KCNQ3: variants seen among roughly 807,000 people sequenced by gnomAD.
KCNQ3 encodes potassium voltage-gated channel subfamily KQT member 3.
Under a neutral mutation model 92.5 loss-of-function variants are expected in KCNQ3, and 30 were observed. That is an observed-to-expected ratio of 0.32 (90% confidence interval 0.24 to 0.44). KCNQ3 has a LOEUF of 0.44. KCNQ3 is among the 20% of genes least tolerant of loss of function. The probability of loss-of-function intolerance (pLI) is 1.00; values close to 1 mark genes in which losing one functional copy is unlikely to be tolerated. For synonymous variants in KCNQ3, 450 were observed against 468.8 expected, an observed-to-expected ratio of 0.96 and a Z score of 0.52; for missense variants, 913 against 1,140.3, an observed-to-expected ratio of 0.80 and a Z score of 2.87.
At chr8:132,140,319 T>C (rs1825246527) in intron 10 of KCNQ3, 141 bp from the exon 11 acceptor site, 1 of 627,766 alleles carries the variant, frequency 1.6e-6, no homozygotes, top group Non-Finnish European at 2.8e-6. Flanking sequence ...GACTCCACGG[T>C]ATTCTCAAGC....
intron 7 of KCNQ3, among the ~76,000 whole-genome samples, chr8:132,171,282 G>T (rs1265708393): frequency 6.6e-6 from 1 of 152,056 alleles, no homozygotes; most frequent in African/African-American, 2.4e-5. Flanking sequence ...CAATATGCGG[G>T]ATGACATCAT....
Position 132,296,332 on chromosome 8 carries a change from G to A in KCNQ3, c.387-110151C>T, listed in dbSNP as rs1476459242. On this transcript the variant is annotated intron_variant, in intron 1 of 14. Coordinates refer to ENST00000388996, the MANE Select transcript of KCNQ3 (RefSeq NM_004519.4). ...ATTTGCCCAGCATGACAAAAAGTGA[G>A]GGTAGCAAAGCCAGGATTTGAGCTT... Among the ~76,000 whole-genome samples, 23 of 152,078 alleles carry A rather than the reference G, an allele frequency of 1.5e-4. No individual in the cohort carries two copies. The East Asian group carries it at 4.4e-3, about 29-fold the overall frequency.
chr8:132,136,566 G>C (rs1323997112), intron 12 of KCNQ3, among the ~76,000 whole-genome samples: 1 of 152,184 alleles, frequency 6.6e-6, no homozygotes, highest in East Asian at 1.9e-4. Flanking sequence ...ATGGGAAAGT[G>C]TGTGCATGTC....
At chr8:132,224,877 G>A (rs180842212) in intron 1 of KCNQ3, among the ~76,000 whole-genome samples, 22 of 152,344 alleles carry the variant, frequency 1.4e-4, no homozygotes, top group African/African-American at 5.3e-4. Flanking sequence ...GAAAATGGGA[G>A]AGGGGGCAGG....
intron 1 of KCNQ3, among the ~76,000 whole-genome samples, chr8:132,215,422 T>A (rs1813996703): frequency 6.6e-6 from 1 of 152,176 alleles, no homozygotes; most frequent in South Asian, 2.1e-4. Flanking sequence ...GGCAGTGCCA[T>A]AATTCACAGT....
chr8:132,398,149 T>G (rs1820241280), intron 1 of KCNQ3, among the ~76,000 whole-genome samples: 2 of 152,066 alleles, frequency 1.3e-5, no homozygotes, highest in South Asian at 2.1e-4. Flanking sequence ...AACCTTTTGG[T>G]TTTTTTGTCA....
At chr8:132,223,221 T>C (rs62519655) in intron 1 of KCNQ3, among the ~76,000 whole-genome samples, 50,965 of 151,206 alleles carry the variant, frequency 0.34, 9,729 homozygotes, top group Middle Eastern at 0.46. Flanking sequence ...TAAGGGAGGG[T>C]GAGAGGGAGG....
At position 132,480,297 on chromosome 8, in the gene KCNQ3, C is replaced by T. The variant is rs778442808; in HGVS notation, c.236G>A (p.Arg79Gln). ...GAGCCCGATGCCCTGCGGGGTCCTC[C>T]GCTGCCCCTCGTCGCGGCCGCCGCC... ...LEGGGRDEGQ[R>Q]RTPQGIGLLA... Residue 79 changes from arginine (R) to glutamine (Q), a missense_variant, in exon 1 of 15, where the codon CGG becomes CAG. By Grantham distance (43) the Arg-to-Gln change is conservative. Coordinates refer to ENST00000388996, the MANE Select transcript of KCNQ3 (RefSeq NM_004519.4). 12 of 1,605,452 alleles carry T rather than the reference C, an allele frequency of 7.5e-6. No individual in the cohort carries two copies. In the African/African-American group the frequency reaches 1.6e-4, roughly 21 times the overall value.
intron 1 of KCNQ3, among the ~76,000 whole-genome samples, chr8:132,278,588 C>T (rs150078778): frequency 1.5e-4 from 23 of 152,276 alleles, no homozygotes; most frequent in Admixed American, 1.5e-3. Context: ...GGGGTGTTCC[C>T]GCCTAAGTTA....
intron 1 of KCNQ3, among the ~76,000 whole-genome samples, chr8:132,269,047 A>C (rs1161621223): frequency 6.6e-6 from 1 of 152,096 alleles, no homozygotes; most frequent in African/African-American, 2.4e-5. Flanking sequence ...TTCTTTGGTG[A>C]GGTGTCTATT....
At chr8:132,465,731 G>A (rs896508668) in intron 1 of KCNQ3, among the ~76,000 whole-genome samples, 1 of 151,910 alleles carries the variant, frequency 6.6e-6, no homozygotes, top group Non-Finnish European at 1.5e-5. Flanking sequence ...GCAACAGAGC[G>A]AAACTCCGTC....
At chr8:132,369,080 G>T (rs7005360) in intron 1 of KCNQ3, among the ~76,000 whole-genome samples, 4,898 of 152,190 alleles carry the variant, frequency 0.032, 115 homozygotes, top group African/African-American at 0.061. Flanking sequence ...TCTCAATTTG[G>T]GTTTGTACGG....
chr8:132,475,077 C>A (rs1331335882), intron 1 of KCNQ3, among the ~76,000 whole-genome samples: 1 of 152,176 alleles, frequency 6.6e-6, no homozygotes, highest in Non-Finnish European at 1.5e-5. Context: ...TCTCCTGGCA[C>A]CACGTAAGAC....
At chr8:132,132,545 T>A (rs1235809006) in intron 13 of KCNQ3, among the ~76,000 whole-genome samples, 1 of 152,246 alleles carries the variant, frequency 6.6e-6, no homozygotes, top group African/African-American at 2.4e-5. Flanking sequence ...TTAAACATTA[T>A]AAAGCACCTA....
chr8:132,447,227 A>G lies in KCNQ3; in HGVS notation c.386+32920T>C, dbSNP rs185722754. 6 of 1,535,632 alleles carry G rather than the reference A, an allele frequency of 3.9e-6. No individual in the cohort carries two copies. In the African/African-American group the frequency reaches 6.8e-5, roughly 17 times the overall value. ...TCGTGGCGTGTTCTGCAGGCTTCAT[A>G]AGGTAATGAATGCAAGAACAAGATT... is the stretch of plus-strand genomic sequence containing the variant. On this transcript the variant is annotated intron_variant, in intron 1 of 14. Coordinates refer to ENST00000388996, the MANE Select transcript of KCNQ3 (RefSeq NM_004519.4).
chr8:132,208,422 A>T (rs1050801019), intron 1 of KCNQ3, among the ~76,000 whole-genome samples: 2 of 152,132 alleles, frequency 1.3e-5, no homozygotes, highest in Admixed American at 6.5e-5. Context: ...TAGGGGAAAG[A>T]AATGCAAAAA....
At chr8:132,306,619 A>C (rs983035767) in intron 1 of KCNQ3, among the ~76,000 whole-genome samples, 1 of 152,212 alleles carries the variant, frequency 6.6e-6, no homozygotes, top group African/African-American at 2.4e-5. Flanking sequence ...AATTTATACA[A>C]AAGGGGACAA....
chr8:132,180,253 T>C lies in KCNQ3; in HGVS notation c.681A>G (p.Arg227=). Residue 227 remains arginine (R), a synonymous_variant, in exon 4 of 15, where the codon CGA becomes CGG. Transcript: ENST00000388996. ...NQGNVLATSL[R]SLRFLQILRM... ...GCAGGATCTGCAGGAAGCGCAGGCT[T>C]CGCAGGGAGGTGGCCAGAACATTGC... The C allele has an allele frequency of 6.2e-7, 1 of 1,614,168 alleles. No individual in the cohort carries two copies. The highest frequency in any genetic ancestry group is 8.5e-7 in the Non-Finnish European group (1 of 1,180,036).
At chr8:132,332,321 G>C (rs1485028727) in intron 1 of KCNQ3, among the ~76,000 whole-genome samples, 1 of 152,160 alleles carries the variant, frequency 6.6e-6, no homozygotes. Context: ...ACACATAAGA[G>C]ACTTTGAGCC....
Sources: allele counts gnomAD v4.1 joint callset (sites outside exome capture counted in the v4.1 genomes callset), GRCh38; gene constraint gnomAD v4.1.1; transcripts MANE v1.5; gene names NCBI Gene and HGNC (gene_info 2026-07-23, HGNC 2026-07-21).